The following PEX14 variants were observed in gnomAD, a reference collection of about 807,000 sequenced individuals.
PEX14 encodes the protein peroxisomal biogenesis factor 14.
Under a neutral mutation model 49.5 loss-of-function variants are expected in PEX14, and 15 were observed. That is an observed-to-expected ratio of 0.30 (90% confidence interval 0.20 to 0.47). The LOEUF (loss-of-function observed/expected upper bound fraction) is 0.47. Ranked by LOEUF, PEX14 falls within the 20% of genes least tolerant of loss-of-function variation. The probability of loss-of-function intolerance (pLI) is 1.00; values close to 1 mark genes in which losing one functional copy is unlikely to be tolerated. For synonymous variants in PEX14, 210 were observed against 212.7 expected, an observed-to-expected ratio of 0.99 and a Z score of 0.11; for missense variants, 398 against 494.8, an observed-to-expected ratio of 0.80 and a Z score of 1.86.
chr1:10,524,913 A>G (rs1570205791), intron 2 of PEX14, among the ~76,000 whole-genome samples: 1 of 152,206 alleles, frequency 6.6e-6, no homozygotes, highest in Non-Finnish European at 1.5e-5. Context: ...CTGGTCCCGA[A>G]CTCTTGGCCT....
Position 10,630,150 on chromosome 1 carries a change from A to C in PEX14, c.*163A>C. On this transcript the variant is annotated 3_prime_UTR_variant, in exon 9 of 9. Transcript: ENST00000356607. The surrounding 1 kb of genome is among the most constrained non-coding windows in gnomAD (Gnocchi z 4.1). ...GCCTGGTGGCAGTGTGGGGAGTCAC[A>C]CTTCTGTCCACCTGGCCTCCTCTCG... The C allele has an allele frequency of 8.9e-7, 1 of 1,121,822 alleles. No individual in the cohort carries two copies. The allele number at this position is 1,121,822 out of a possible 1,614,324, so 69.5% of individuals were successfully genotyped here.
chr1:10,515,184 G>A (rs1371388160), intron 2 of PEX14, among the ~76,000 whole-genome samples: 5 of 151,338 alleles, frequency 3.3e-5, no homozygotes, highest in Admixed American at 3.3e-4. Context: ...AAAAGAGAAT[G>A]CACTTATTCA....
chr1:10,590,458 C>G (rs1378679797), intron 3 of PEX14, among the ~76,000 whole-genome samples: 1 of 152,054 alleles, frequency 6.6e-6, no homozygotes, highest in Non-Finnish European at 1.5e-5. Context: ...ATTTTGTTAT[C>G]AATATATAAT....
chr1:10,584,963 A>T (rs890117559), intron 3 of PEX14, among the ~76,000 whole-genome samples: 1 of 152,216 alleles, frequency 6.6e-6, no homozygotes, highest in African/African-American at 2.4e-5. Context: ...AGTACACAAA[A>T]GGAGGGGTGG....
intron 1 of PEX14, among the ~76,000 whole-genome samples, chr1:10,479,461 A>C (rs1315381136): frequency 6.6e-6 from 1 of 152,190 alleles, no homozygotes; most frequent in Non-Finnish European, 1.5e-5. Flanking sequence ...CTGATCTCTC[A>C]TTGAAGTCCT....
chr1:10,491,769 C>T (rs1434393834), intron 1 of PEX14, among the ~76,000 whole-genome samples: 1 of 148,338 alleles, frequency 6.7e-6, no homozygotes, highest in Non-Finnish European at 1.5e-5. Flanking sequence ...TAACCTCCGC[C>T]TCCCGGGTTC....
At chr1:10,555,906 C>T (rs1253337557) in intron 3 of PEX14, among the ~76,000 whole-genome samples, 1 of 152,032 alleles carries the variant, frequency 6.6e-6, no homozygotes, top group African/African-American at 2.4e-5. Flanking sequence ...CAGGATGAGA[C>T]ATACAGAGAA....
intron 1 of PEX14, among the ~76,000 whole-genome samples, chr1:10,477,951 C>T (rs530749327): frequency 1.3e-4 from 20 of 152,238 alleles, no homozygotes; most frequent in African/African-American, 3.9e-4. Context: ...TGCAGTGGCG[C>T]GATCTCGGCT....
At chr1:10,583,994 T>C (rs1640408289) in intron 3 of PEX14, among the ~76,000 whole-genome samples, 1 of 152,014 alleles carries the variant, frequency 6.6e-6, no homozygotes, top group South Asian at 2.1e-4. Context: ...TTGAGTAAAA[T>C]GGAAAATCAT....
In PEX14 at chr1:10,599,222, G is replaced by A. The variant is rs1251872328; in HGVS notation, c.170-16G>A. On this transcript the variant is annotated splice_polypyrimidine_tract_variant and intron_variant, in intron 3 of 8. Coordinates refer to ENST00000356607, the MANE Select transcript of PEX14 (RefSeq NM_004565.3). ...ACAAAAGGTACTCACCTGCAATGAT[G>A]TCCTCTTCTCCCCAGGGCTGACAGA... is the stretch of plus-strand genomic sequence containing the variant. 4 of 1,613,716 alleles carry A rather than the reference G, an allele frequency of 2.5e-6. No homozygotes were observed. Among genetic ancestry groups the A allele is most frequent in the Non-Finnish European group, 3.4e-6 (4 of 1,179,704 alleles).
intron 5 of PEX14, among the ~76,000 whole-genome samples, chr1:10,619,081 G>A (rs1641519405): frequency 6.6e-6 from 1 of 152,160 alleles, no homozygotes; most frequent in African/African-American, 2.4e-5. Flanking sequence ...AGAAATCTAG[G>A]ATTTCCCAGG....
chr1:10,522,774 GT>G (rs1638341704), intron 2 of PEX14, among the ~76,000 whole-genome samples: 1 of 152,200 alleles, frequency 6.6e-6, no homozygotes. Context: ...ATTCTGGATA[GT>G]TACGTTTTCT....
chr1:10,582,222 A>G (rs1407687083), intron 3 of PEX14, among the ~76,000 whole-genome samples: 1 of 152,078 alleles, frequency 6.6e-6, no homozygotes, highest in Non-Finnish European at 1.5e-5. Context: ...ATGAAGTACT[A>G]CAAATATATC....
intron 3 of PEX14, among the ~76,000 whole-genome samples, chr1:10,549,355 A>C (rs1448966407): frequency 6.6e-6 from 1 of 152,208 alleles, no homozygotes; most frequent in African/African-American, 2.4e-5. Context: ...TTGTGAATTA[A>C]ATTATTCTAA....
chr1:10,582,933 C>T (rs1172627680), intron 3 of PEX14, among the ~76,000 whole-genome samples: 1 of 152,022 alleles, frequency 6.6e-6, no homozygotes, highest in Admixed American at 6.6e-5. Flanking sequence ...GGGGGTTTCA[C>T]CATGTTGGCC....
intron 3 of PEX14, among the ~76,000 whole-genome samples, chr1:10,589,262 G>A (rs1023484778): frequency 6.6e-6 from 1 of 152,162 alleles, no homozygotes; most frequent in Non-Finnish European, 1.5e-5. Flanking sequence ...CTGTGACATG[G>A]TGCTCAGATT....
At chr1:10,509,447 C>T (rs1641846499) in intron 2 of PEX14, among the ~76,000 whole-genome samples, 1 of 152,156 alleles carries the variant, frequency 6.6e-6, no homozygotes. Flanking sequence ...AGCCTGGTCC[C>T]CAGAGCCCCA....
chr1:10,579,563 AAAAG>A (rs1221931044), intron 3 of PEX14, among the ~76,000 whole-genome samples: 4 of 152,174 alleles, frequency 2.6e-5, no homozygotes, highest in South Asian at 2.1e-4. Context: ...GTAAAGGAAT[AAAAG>A]AATGGCTACT....
intron 3 of PEX14, among the ~76,000 whole-genome samples, chr1:10,541,342 TTTGGA>T (rs1266139347): frequency 6.9e-6 from 1 of 145,370 alleles, no homozygotes; most frequent in Non-Finnish European, 1.6e-5. Context: ...CGGGTTTGGT[TTTGGA>T]ACCTGGAGGA....
Sources: allele counts gnomAD v4.1 joint callset (sites outside exome capture counted in the v4.1 genomes callset), GRCh38; gene constraint gnomAD v4.1.1; non-coding constraint Gnocchi (gnomAD v3.1); transcripts MANE v1.5; gene names NCBI Gene and HGNC (gene_info 2026-07-23, HGNC 2026-07-21).